The following SLC12A6 variants were observed in gnomAD, a reference collection of about 807,000 sequenced individuals.
The protein encoded by SLC12A6 is solute carrier family 12 member 6.
Under a neutral mutation model 135.3 loss-of-function variants are expected in SLC12A6, and 66 were observed. The ratio of observed to expected loss-of-function variants is 0.49; its 90% CI spans 0.40 to 0.60. The LOEUF (loss-of-function observed/expected upper bound fraction) is 0.60, where lower values mean the gene tolerates loss of function less well. Among genes scored for constraint, SLC12A6 ranks in the 20% least tolerant of loss-of-function variants. The pLI is 0.00. For synonymous variants in SLC12A6, 513 were observed against 508.8 expected (o/e 1.01, Z -0.11); for missense variants, 1,058 against 1,452.3 (o/e 0.73, Z 4.41).
chr15:34,299,707 A>T (rs1044244062), intron 2 of SLC12A6: 1 of 152,238 alleles, frequency 6.6e-6, no homozygotes, highest in African/African-American at 2.4e-5. Context: ...CAACAGAGAC[A>T]TTCAAGAACA....
At chr15:34,234,385 T>C (rs1040134581) in intron 25 of SLC12A6, among the ~76,000 whole-genome samples, 1 of 152,166 alleles carries the variant, frequency 6.6e-6, no homozygotes, top group Non-Finnish European at 1.5e-5. Flanking sequence ...TCTTTCTTTT[T>C]TTTTTGAGAC....
At chr15:34,284,054 A>AT (rs2140929574) in intron 2 of SLC12A6, among the ~76,000 whole-genome samples, 1 of 151,518 alleles carries the variant, frequency 6.6e-6, no homozygotes, top group East Asian at 2.0e-4. Flanking sequence ...GGCCAGCATA[A>AT]TTTTTTAAAA....
At chr15:34,242,275 A>T in intron 16 of SLC12A6, 54 bp from the exon 17 acceptor site, 1 of 1,335,012 alleles carries the variant, frequency 7.5e-7, no homozygotes, top group Non-Finnish European at 1.1e-6. Flanking sequence ...AAAGAAGCCT[A>T]TGTTAAAGGT....
At position 34,236,833 on chromosome 15, in the gene SLC12A6, TA is replaced by T; in HGVS notation, c.2935-19del. On this transcript the variant is annotated intron_variant, in intron 22 of 25. Transcript: ENST00000354181. ...CTGTCATGCTGCCATAGACATCACATAAAAGGGGCAAAAAGCACAAAGGAGA... is the reference window on the plus strand; with the variant it reads ...CTGTCATGCTGCCATAGACATCACATAAAGGGGCAAAAAGCACAAAGGAGA... 7.1e-7 allele frequency: 1 copy of T among 1,418,100 alleles called. No individual in the cohort carries two copies. The highest frequency in any genetic ancestry group is 1.0e-6 in the Non-Finnish European group (1 of 1,000,780). 87.8% of individuals were successfully genotyped at this position (1,418,100 alleles called of 1,614,324 possible).
chr15:34,270,543 C>A (rs776999543), intron 3 of SLC12A6, among the ~76,000 whole-genome samples: 2 of 152,118 alleles, frequency 1.3e-5, no homozygotes, highest in Non-Finnish European at 2.9e-5. Flanking sequence ...TGGCTCACAC[C>A]TCTAATCCCA....
intron 2 of SLC12A6, among the ~76,000 whole-genome samples, chr15:34,287,474 A>G (rs1252848656): frequency 6.6e-6 from 1 of 152,146 alleles, no homozygotes; most frequent in Non-Finnish European, 1.5e-5. Context: ...ATGATTTATA[A>G]TCCTTTGGGT....
chr15:34,230,122 A>G lies in SLC12A6; in HGVS notation c.*3759T>C, dbSNP rs1033272871. 3 of 302,076 alleles carry G rather than the reference A, an allele frequency of 9.9e-6. No homozygotes were observed. The highest frequency in any genetic ancestry group is 2.2e-5 in the African/African-American group (1 of 46,186). 18.7% of individuals were successfully genotyped at this position (302,076 alleles called of 1,614,324 possible). ...AGAACTGTTGCAGCATCTCCTTTCA[A>G]TAAATTAAATGGTTGAGAACAATGC... is the stretch of plus-strand genomic sequence containing the variant. On this transcript the variant is annotated 3_prime_UTR_variant, in exon 26 of 26. Coordinates refer to ENST00000354181, the MANE Select transcript of SLC12A6 (RefSeq NM_001365088.1).
At chr15:34,244,179 C>T (rs770491225) in intron 15 of SLC12A6, 107 bp from the exon 16 acceptor site, 32 of 753,472 alleles carry the variant, frequency 4.2e-5, no homozygotes, top group Non-Finnish European at 6.5e-5. Flanking sequence ...AGACAACTAA[C>T]CCTTGATTAA....
At chr15:34,332,238 C>T (rs1188245999) in intron 2 of SLC12A6, among the ~76,000 whole-genome samples, 1 of 152,138 alleles carries the variant, frequency 6.6e-6, no homozygotes, top group Non-Finnish European at 1.5e-5. Flanking sequence ...TTAACGGATG[C>T]TTTTTCTCTG....
chr15:34,300,941 A>G (rs1187341329), intron 2 of SLC12A6, among the ~76,000 whole-genome samples: 1 of 152,116 alleles, frequency 6.6e-6, no homozygotes, highest in African/African-American at 2.4e-5. Flanking sequence ...ATACAGACAG[A>G]GCTTCATGTA....
intron 2 of SLC12A6, among the ~76,000 whole-genome samples, chr15:34,300,159 G>C (rs965490415): frequency 1.3e-5 from 2 of 152,158 alleles, no homozygotes; most frequent in African/African-American, 2.4e-5. Context: ...TAGAGCACAG[G>C]TGTATGGATC....
intron 2 of SLC12A6, among the ~76,000 whole-genome samples, chr15:34,288,419 T>C (rs1161067556): frequency 2.0e-5 from 3 of 152,246 alleles, no homozygotes; most frequent in Non-Finnish European, 4.4e-5. Flanking sequence ...GGTAGCTTGA[T>C]GTCTCCAGCT....
At chr15:34,316,043 C>CA (rs35699300) in intron 2 of SLC12A6, among the ~76,000 whole-genome samples, 1 of 152,162 alleles carries the variant, frequency 6.6e-6, no homozygotes, top group African/African-American at 2.4e-5. Flanking sequence ...TGTACCTTTT[C>CA]AAAAAATTAG....
intron 3 of SLC12A6, among the ~76,000 whole-genome samples, chr15:34,266,051 C>A (rs1595462575): frequency 9.7e-5 from 11 of 113,756 alleles, no homozygotes; most frequent in South Asian, 2.7e-4. Flanking sequence ...TATAAAGAAG[C>A]AGAAAAAGTG....
rs770661842 is a variant in SLC12A6, at chr15:34,238,934, C to G, written c.2632+31G>C. ...TTTAACTATATACCCTCGACTTGGGCCTTTAGGTTTGTATGAGAAATGGTT... is the reference window on the plus strand; with the variant it reads ...TTTAACTATATACCCTCGACTTGGGGCTTTAGGTTTGTATGAGAAATGGTT... On this transcript the variant is annotated intron_variant, in intron 20 of 25. Transcript: ENST00000354181. The G allele has an allele frequency of 3.8e-6, 6 of 1,572,498 alleles. No homozygotes were observed. The Admixed American group carries it at 6.7e-5, about 17-fold the overall frequency.
At chr15:34,272,063 C>T (rs961027075) in intron 3 of SLC12A6, among the ~76,000 whole-genome samples, 1 of 152,110 alleles carries the variant, frequency 6.6e-6, no homozygotes, top group African/African-American at 2.4e-5. Flanking sequence ...GCAACCTCCA[C>T]CTCCTGGTTC....
At chr15:34,294,156 T>C (rs79150466) in intron 2 of SLC12A6, among the ~76,000 whole-genome samples, 4,152 of 152,320 alleles carry the variant, frequency 0.027, 192 homozygotes, top group African/African-American at 0.095. Context: ...GCAATATCTA[T>C]ATTCTTTTCA....
chr15:34,316,872 G>C (rs901838650), intron 2 of SLC12A6, among the ~76,000 whole-genome samples: 1 of 152,130 alleles, frequency 6.6e-6, no homozygotes, highest in African/African-American at 2.4e-5. Flanking sequence ...ATGAAATGAG[G>C]TACAGATGGA....
In SLC12A6 at chr15:34,235,176, GATAC is replaced by G. The variant is rs1891170167; in HGVS notation, c.3361+1_3361+4del. 6.2e-7 allele frequency: 1 copy of G among 1,613,480 alleles called. No homozygotes were observed. The highest frequency in any genetic ancestry group is 1.7e-5 in the Admixed American group (1 of 59,986). On this transcript the variant is annotated splice_donor_variant and splice_donor_region_variant and intron_variant, in intron 25 of 25. Transcript: ENST00000354181. LOFTEE classifies it high-confidence loss of function. ...TACTGGAAGCCCCACTCTTGGAAAG[GATAC>G]AGTTTTCATCACCCTCAGGGTTTCG...
Sources: allele counts gnomAD v4.1 joint callset (sites outside exome capture counted in the v4.1 genomes callset), GRCh38; gene constraint gnomAD v4.1.1; transcripts MANE v1.5; gene names NCBI Gene and HGNC (gene_info 2026-07-23, HGNC 2026-07-21).